RUNX1T1: variants seen among roughly 807,000 people sequenced by gnomAD.
RUNX1T1 encodes the protein RUNX1 partner transcriptional co-repressor 1, also known as protein CBFA2T1.
In RUNX1T1, 4 loss-of-function variants were observed where a neutral mutation model predicts 62.8. The ratio of observed to expected loss-of-function variants is 0.06; its 90% CI spans 0.03 to 0.15. The LOEUF is 0.15. Ranked by LOEUF, RUNX1T1 falls within the 10% of genes least tolerant of loss-of-function variation. RUNX1T1 has a pLI of 1.00. For missense variants in RUNX1T1, 508 were observed against 754.3 expected (o/e 0.67, Z 3.82); for synonymous variants, 291 against 286.0 (o/e 1.02, Z -0.18).
chr8:92,085,533 T>A (rs1563928950), intron 1 of RUNX1T1, among the ~76,000 whole-genome samples: 1 of 152,238 alleles, frequency 6.6e-6, no homozygotes, highest in African/African-American at 2.4e-5. Context: ...AAGATTGATT[T>A]CTTTATGCTT....
chr8:91,959,924 T>C (rs1810069483), exon 11 of RUNX1T1: 2 of 396,554 alleles, frequency 5.0e-6, no homozygotes, highest in African/African-American at 2.0e-5. Flanking sequence ...GGTCATCTAG[T>C]TTAAAATCCC....
At chr8:91,989,524 T>G (rs1817230897) in intron 6 of RUNX1T1, among the ~76,000 whole-genome samples, 1 of 152,244 alleles carries the variant, frequency 6.6e-6, no homozygotes, top group Non-Finnish European at 1.5e-5. Context: ...TTTATATTAC[T>G]TGATGAAAAC....
downstream of RUNX1T1, chr8:91,956,902 C>A (rs958265217): frequency 5.4e-6 from 1 of 186,038 alleles, no homozygotes; most frequent in Non-Finnish European, 1.1e-5. Context: ...GTATTCCAGA[C>A]GTAGGCATGC....
At chr8:92,014,512 A>C in intron 3 of RUNX1T1, 67 bp downstream of exon 4, 1 of 1,422,546 alleles carries the variant, frequency 7.0e-7, no homozygotes, top group Admixed American at 2.2e-5. Context: ...CGGTGTCTAC[A>C]TGTCTGAGTC....
intron 1 of RUNX1T1, among the ~76,000 whole-genome samples, chr8:92,061,270 T>C (rs1487746892): frequency 1.3e-5 from 2 of 152,198 alleles, no homozygotes; most frequent in African/African-American, 4.8e-5. Flanking sequence ...AGATCTGAAT[T>C]ATGACATAAA....
intron 1 of RUNX1T1, among the ~76,000 whole-genome samples, chr8:92,085,427 T>A (rs896998950): frequency 6.6e-6 from 1 of 152,244 alleles, no homozygotes; most frequent in Non-Finnish European, 1.5e-5. Context: ...AACACAGCAT[T>A]CTACAGACAT....
At chr8:92,093,667 G>T (rs1563945359) in intron 1 of RUNX1T1, among the ~76,000 whole-genome samples, 4 of 152,138 alleles carry the variant, frequency 2.6e-5, no homozygotes, top group Admixed American at 6.5e-5. Context: ...ATTATTTTAT[G>T]AGATATAGAT....
intron 5 of RUNX1T1, chr8:92,004,903 T>A (rs529118236): frequency 2.1e-6 from 1 of 467,712 alleles, no homozygotes; most frequent in Admixed American, 4.1e-5. Flanking sequence ...CAGAAAAGAT[T>A]AACCTACACA....
chr8:92,086,938 C>T (rs1836222108), intron 1 of RUNX1T1, among the ~76,000 whole-genome samples: 1 of 152,144 alleles, frequency 6.6e-6, no homozygotes, highest in East Asian at 1.9e-4. Flanking sequence ...CCATCTGGCC[C>T]CTCACATTAG....
At chr8:92,039,368 C>A (rs116761320) in intron 1 of RUNX1T1, among the ~76,000 whole-genome samples, 1 of 152,104 alleles carries the variant, frequency 6.6e-6, no homozygotes, top group Non-Finnish European at 1.5e-5. Context: ...ACCCCGTACA[C>A]CACTCCCTTT....
chr8:92,082,570 T>C (rs1275110710), intron 1 of RUNX1T1, among the ~76,000 whole-genome samples: 1 of 152,190 alleles, frequency 6.6e-6, no homozygotes, highest in African/African-American at 2.4e-5. Flanking sequence ...TCCAGTCACT[T>C]GCATTAAGAA....
chr8:91,959,467 TATATGTGC>T (rs1409221036), exon 11 of RUNX1T1: 61,934 of 123,478 alleles, frequency 0.5, 14,146 homozygotes, highest in East Asian at 0.69. Flanking sequence ...TGTGTGTGTG[TATATGTGC>T]GTGTGTGTGT....
intron 8 of RUNX1T1, among the ~76,000 whole-genome samples, chr8:91,981,892 T>C (rs1260899125): frequency 1.3e-5 from 2 of 152,076 alleles, no homozygotes; most frequent in Non-Finnish European, 2.9e-5. Context: ...ACAGGGAAAG[T>C]GCATTTATAT....
At chr8:91,961,759 A>G (rs1810500051) in intron 10 of RUNX1T1, among the ~76,000 whole-genome samples, 1 of 152,222 alleles carries the variant, frequency 6.6e-6, no homozygotes, top group South Asian at 2.1e-4. Flanking sequence ...GCAAAACTGT[A>G]GTAAGTAATC....
chr8:92,089,739 G>C (rs1206343626), intron 1 of RUNX1T1, among the ~76,000 whole-genome samples: 1 of 151,844 alleles, frequency 6.6e-6, no homozygotes, highest in East Asian at 1.9e-4. Flanking sequence ...TCTGAAAAAG[G>C]AATCGTAAAA....
chr8:91,992,475 C>G (rs1817872131), intron 5 of RUNX1T1, among the ~76,000 whole-genome samples: 1 of 152,210 alleles, frequency 6.6e-6, no homozygotes. Context: ...ATGTGCTCAA[C>G]AGGTACGCTT....
chr8:92,051,419 G>A (rs1052722110), intron 1 of RUNX1T1, among the ~76,000 whole-genome samples: 1 of 151,726 alleles, frequency 6.6e-6, no homozygotes. Flanking sequence ...AGTAGTACAT[G>A]GTTTCAAATA....
At chr8:92,046,043 A>C (rs1212459029) in intron 1 of RUNX1T1, among the ~76,000 whole-genome samples, 1 of 152,172 alleles carries the variant, frequency 6.6e-6, no homozygotes, top group African/African-American at 2.4e-5. Flanking sequence ...ATTACATAGG[A>C]AGCCTACCCC....
intron 4 of RUNX1T1, chr8:92,010,347 C>T (rs1821687898): frequency 6.6e-6 from 1 of 152,170 alleles, no homozygotes. Flanking sequence ...GCTTTTCTAC[C>T]AAAACTACCA....
Sources: gnomAD v4.1 joint callset for allele counts (sites outside exome capture counted in the v4.1 genomes callset) on GRCh38, gnomAD v4.1.1 for gene constraint, MANE v1.5 for transcripts, NCBI Gene and HGNC (gene_info 2026-07-23, HGNC 2026-07-21) for gene names.